The following TMTC1 variants were observed in gnomAD, a reference collection of about 807,000 sequenced individuals.
TMTC1 encodes transmembrane O-mannosyltransferase targeting cadherins 1, also known as protein O-mannosyl-transferase TMTC1.
Under a neutral mutation model 104.8 loss-of-function variants are expected in TMTC1, and 73 were observed. That is an observed-to-expected ratio of 0.70 (90% confidence interval 0.58 to 0.85). TMTC1 has a LOEUF of 0.85. Among genes scored for constraint, TMTC1 ranks in the 40% least tolerant of loss-of-function variants. The pLI, the probability that TMTC1 is intolerant of heterozygous loss-of-function variation, is 0.00. For missense variants in TMTC1, 1,035 were observed against 1,096.1 expected (o/e 0.94, Z 0.79); for synonymous variants, 434 against 428.7 (o/e 1.01, Z -0.15).
intron 7 of TMTC1, among the ~76,000 whole-genome samples, chr12:29,598,867 C>T (rs187404000): frequency 8.5e-4 from 129 of 152,302 alleles, no homozygotes; most frequent in Non-Finnish European, 1.4e-3. Flanking sequence ...TTAATGTTGT[C>T]TGCAAACAAG....
At chr12:29,571,927 T>C (rs570038649) in intron 9 of TMTC1, among the ~76,000 whole-genome samples, 178 bp downstream of exon 9, 12 of 152,334 alleles carry the variant, frequency 7.9e-5, no homozygotes, top group Non-Finnish European at 1.2e-4. Flanking sequence ...ATTGCATTAA[T>C]AGCAGACTTG....
intron 5 of TMTC1, among the ~76,000 whole-genome samples, chr12:29,724,743 A>C (rs1472977114): frequency 6.6e-6 from 1 of 152,168 alleles, no homozygotes; most frequent in Non-Finnish European, 1.5e-5. Flanking sequence ...TAAGAGAAAA[A>C]TAAACACAAA....
chr12:29,514,498 A>T lies in TMTC1; in HGVS notation c.2414T>A (p.Leu805His). The T allele has an allele frequency of 6.2e-7, 1 of 1,612,884 alleles. No individual in the cohort carries two copies. The highest frequency in any genetic ancestry group is 8.5e-7 in the Non-Finnish European group (1 of 1,179,716). ...KGNQLREQNL[L>H]DKAFESYRVA... is the part of the protein sequence containing the mutation. ...AGTTTATACCTCAAAAGCTTTGTCG[A>T]GAAGGTTCTGCTCTCTTAATTGGTT... Residue 805 changes from leucine to histidine, a missense_variant, in exon 16 of 18, where the codon CTC (leucine) becomes CAC (histidine). Transcript: ENST00000539277.
intron 10 of TMTC1, among the ~76,000 whole-genome samples, chr12:29,556,627 C>G (rs80129504): frequency 0.018 from 2,665 of 152,282 alleles, 80 homozygotes; most frequent in African/African-American, 0.061. Context: ...TAGAGACAAT[C>G]TATGAAAATC....
chr12:29,528,046 T>C (rs1481977843), intron 11 of TMTC1, among the ~76,000 whole-genome samples: 2 of 152,124 alleles, frequency 1.3e-5, no homozygotes, highest in African/African-American at 4.8e-5. Flanking sequence ...ACTCTACTCA[T>C]AAACAAAAAA....
At position 29,513,335 on chromosome 12, in the gene TMTC1, T is replaced by G. The variant is rs528083553; in HGVS notation, c.2430+1147A>C. On this transcript the variant is annotated intron_variant, in intron 16 of 17. Transcript: ENST00000539277. ...GAATCAATGGCCATATATATATATA[T>G]ATACACACACACACATACATATTCA... Among the ~76,000 whole-genome samples, 4 of 152,166 alleles carry G rather than the reference T, an allele frequency of 2.6e-5. No individual in the cohort carries two copies. The East Asian group carries it at 7.7e-4, about 29-fold the overall frequency.
intron 11 of TMTC1, among the ~76,000 whole-genome samples, chr12:29,522,076 T>C (rs1036993161): frequency 1.3e-5 from 2 of 152,168 alleles, no homozygotes; most frequent in Non-Finnish European, 2.9e-5. Context: ...CTTTAAAAAA[T>C]ACATATATGC....
intron 2 of TMTC1, among the ~76,000 whole-genome samples, chr12:29,764,509 A>G (rs1943420671): frequency 6.6e-6 from 1 of 152,124 alleles, no homozygotes; most frequent in South Asian, 2.1e-4. Context: ...CCCTGTCTCA[A>G]ATAGTAATAT....
intron 1 of TMTC1, among the ~76,000 whole-genome samples, chr12:29,780,013 A>C (rs750669751): frequency 1.3e-5 from 2 of 152,218 alleles, no homozygotes; most frequent in Non-Finnish European, 2.9e-5. Context: ...GCAACAATAC[A>C]AAGTGCTGGC....
chr12:29,557,735 C>A (rs1945282267), intron 9 of TMTC1, among the ~76,000 whole-genome samples: 1 of 152,228 alleles, frequency 6.6e-6, no homozygotes, highest in African/African-American at 2.4e-5. Context: ...CAGGCATGAA[C>A]CACCACACCT....
Position 29,517,385 on chromosome 12 carries a change from T to G in TMTC1, c.2169+42A>C, listed in dbSNP as rs751495146. On this transcript the variant is annotated intron_variant, in intron 14 of 17. Transcript: ENST00000539277. ...GACTACAGCTCTCTCTATGGCTGCC[T>G]GTGCTTAGGTTGCCAGCTTCATTTT... is the stretch of plus-strand genomic sequence containing the variant. 5.0e-6 allele frequency: 8 copies of G among 1,611,662 alleles called. No individual in the cohort carries two copies. The East Asian group carries it at 1.3e-4, about 27-fold the overall frequency.
intron 10 of TMTC1, among the ~76,000 whole-genome samples, chr12:29,546,183 G>A (rs1944937532): frequency 1.3e-5 from 2 of 152,208 alleles, no homozygotes; most frequent in Non-Finnish European, 2.9e-5. Flanking sequence ...ATGGGAGAGT[G>A]ATGGGCTTGT....
At chr12:29,597,033 G>A (rs1187673294) in intron 7 of TMTC1, among the ~76,000 whole-genome samples, 1 of 152,024 alleles carries the variant, frequency 6.6e-6, no homozygotes, top group Non-Finnish European at 1.5e-5. Flanking sequence ...CTGTGTACAG[G>A]CTAATATCTA....
intron 5 of TMTC1, among the ~76,000 whole-genome samples, chr12:29,740,403 A>G (rs1942793475): frequency 6.6e-6 from 1 of 152,120 alleles, no homozygotes; most frequent in Non-Finnish European, 1.5e-5. Flanking sequence ...GCAGAAAAGC[A>G]TGAAAAAGAG....
At chr12:29,762,783 C>A (rs774663052) in intron 2 of TMTC1, among the ~76,000 whole-genome samples, 2 of 152,226 alleles carry the variant, frequency 1.3e-5, no homozygotes, top group Non-Finnish European at 2.9e-5. Context: ...GAGACGAATG[C>A]AGTGACAGTG....
In TMTC1 at chr12:29,660,776, G is replaced by A. The variant is rs550821035; in HGVS notation, c.939-27440C>T. 4,598 of 704,490 alleles carry A rather than the reference G, an allele frequency of 6.5e-3. 17 individuals are homozygous for A. Among genetic ancestry groups the A allele is most frequent in the Non-Finnish European group, 7.8e-3 (4,048 of 516,624 alleles). 43.6% of individuals were successfully genotyped at this position (704,490 alleles called of 1,614,324 possible). On this transcript the variant is annotated intron_variant, in intron 5 of 17. Coordinates refer to ENST00000539277, the MANE Select transcript of TMTC1 (RefSeq NM_001193451.2). ...ACATTCCTTATCAGATATTTCAAAA[G>A]TATATATATATATATATATATACTT...
chr12:29,569,519 C>T (rs2136292791), intron 9 of TMTC1, among the ~76,000 whole-genome samples: 1 of 152,288 alleles, frequency 6.6e-6, no homozygotes, highest in Non-Finnish European at 1.5e-5. Context: ...GGTGGAGCAG[C>T]TGGGAGGGAG....
chr12:29,643,239 T>A (rs1938945844), intron 5 of TMTC1, among the ~76,000 whole-genome samples: 3 of 151,560 alleles, frequency 2.0e-5, no homozygotes, highest in Admixed American at 1.3e-4. Flanking sequence ...ATGTGGAGAT[T>A]CCTTAAAGAA....
chr12:29,629,277 G>A (rs968428836), intron 6 of TMTC1, among the ~76,000 whole-genome samples: 6 of 151,440 alleles, frequency 4.0e-5, no homozygotes, highest in African/African-American at 1.2e-4. Context: ...GTGGAGATGC[G>A]CCAATGCACT....
Sources: gnomAD v4.1 joint callset for allele counts (sites outside exome capture counted in the v4.1 genomes callset) on GRCh38, gnomAD v4.1.1 for gene constraint, MANE v1.5 for transcripts, NCBI Gene and HGNC (gene_info 2026-07-23, HGNC 2026-07-21) for gene names.